PKIB: variants seen among roughly 807,000 people sequenced by gnomAD.
PKIB encodes PKI-beta.
In PKIB, 2 loss-of-function variants were observed where a neutral mutation model predicts 4.5. The observed-to-expected ratio is 0.44, with a 90% CI of 0.18 to 1.39. The LOEUF (loss-of-function observed/expected upper bound fraction) is 1.39, where lower values mean the gene tolerates loss of function less well. PKIB is among the 40% of genes most tolerant of loss of function. PKIB has a pLI of 0.27. For missense variants in PKIB, 94 were observed against 92.6 expected (o/e 1.02, Z -0.06); for synonymous variants, 38 against 36.0 (o/e 1.06, Z -0.20).
intron 2 of PKIB, among the ~76,000 whole-genome samples, chr6:122,560,507 GT>G (rs1772982234): frequency 6.6e-6 from 1 of 151,876 alleles, no homozygotes; most frequent in African/African-American, 2.4e-5. Flanking sequence ...TTCTTTTTTG[GT>G]TATGTCCTTT....
chr6:122,527,364 C>A (rs1425030916), intron 2 of PKIB, among the ~76,000 whole-genome samples: 1 of 152,072 alleles, frequency 6.6e-6, no homozygotes, highest in Non-Finnish European at 1.5e-5. Context: ...AGAGGACCAG[C>A]TTTTGCCCTG....
chr6:122,569,838 G>T (rs1021457148), intron 2 of PKIB, among the ~76,000 whole-genome samples: 1 of 152,196 alleles, frequency 6.6e-6, no homozygotes, highest in Admixed American at 6.5e-5. Context: ...AGCAGTTCTT[G>T]AGTCCCAGAT....
chr6:122,520,870 T>C (rs991399633), intron 2 of PKIB, among the ~76,000 whole-genome samples: 4 of 152,230 alleles, frequency 2.6e-5, no homozygotes, highest in Non-Finnish European at 5.9e-5. Flanking sequence ...TGATGAACTC[T>C]TGGAGAGCAT....
intron 2 of PKIB, among the ~76,000 whole-genome samples, chr6:122,487,511 A>G (rs1050661194): frequency 6.6e-6 from 1 of 152,132 alleles, no homozygotes; most frequent in Non-Finnish European, 1.5e-5. Flanking sequence ...AGCCTTCATG[A>G]TTGGGATTTA....
chr6:122,637,055 T>C (rs1245685020), intron 2 of PKIB, among the ~76,000 whole-genome samples: 1 of 152,210 alleles, frequency 6.6e-6, no homozygotes, highest in Non-Finnish European at 1.5e-5. Context: ...TACAAATACT[T>C]GTCAGATTGA....
At chr6:122,545,825 G>C (rs908752475) in intron 2 of PKIB, among the ~76,000 whole-genome samples, 6 of 151,004 alleles carry the variant, frequency 4.0e-5, no homozygotes, top group Non-Finnish European at 8.8e-5. Context: ...ATAAATAAAG[G>C]CTTTCCATCA....
At chr6:122,502,071 G>A (rs1435160411) in intron 2 of PKIB, among the ~76,000 whole-genome samples, 1 of 151,464 alleles carries the variant, frequency 6.6e-6, no homozygotes, top group African/African-American at 2.4e-5. Flanking sequence ...TCTTGCCTCA[G>A]CCTCCCAAGT....
intron 2 of PKIB, among the ~76,000 whole-genome samples, chr6:122,573,550 A>G (rs982336014): frequency 4.0e-5 from 6 of 151,844 alleles, no homozygotes; most frequent in Non-Finnish European, 8.8e-5. Flanking sequence ...AAAAGAAAAA[A>G]AAAAGAAGAA....
chr6:122,695,181 T>A (rs1209971652), intron 3 of PKIB, among the ~76,000 whole-genome samples: 1 of 152,234 alleles, frequency 6.6e-6, no homozygotes, highest in Non-Finnish European at 1.5e-5. Flanking sequence ...ATATTTTTAA[T>A]GAATTCTGCC....
chr6:122,666,571 C>T (rs1450532162), intron 2 of PKIB, among the ~76,000 whole-genome samples: 2 of 152,178 alleles, frequency 1.3e-5, no homozygotes, highest in Non-Finnish European at 2.9e-5. Context: ...TCTTAGTAGT[C>T]TTGAGCTGCC....
intron 3 of PKIB, among the ~76,000 whole-genome samples, chr6:122,707,073 T>A (rs146782956): frequency 1.3e-5 from 2 of 152,262 alleles, no homozygotes; most frequent in Admixed American, 1.3e-4. Flanking sequence ...AAGTTAAATG[T>A]ATCAATTTAA....
intron 3 of PKIB, among the ~76,000 whole-genome samples, chr6:122,687,127 T>G: frequency 6.6e-6 from 1 of 152,322 alleles, no homozygotes; most frequent in East Asian, 1.9e-4. Context: ...TTAATTCATT[T>G]TGGTTTGATT....
intron 2 of PKIB, among the ~76,000 whole-genome samples, chr6:122,570,727 A>G (rs994206466): frequency 1.3e-5 from 2 of 152,216 alleles, no homozygotes; most frequent in African/African-American, 4.8e-5. Flanking sequence ...TAAGAGGGAA[A>G]AAAAGAAATT....
chr6:122,477,270 C>T (rs774215164), intron 1 of PKIB, among the ~76,000 whole-genome samples: 4 of 152,084 alleles, frequency 2.6e-5, no homozygotes, highest in African/African-American at 9.7e-5. Flanking sequence ...AGGAGAAAGT[C>T]GAGGCAATTA....
intron 2 of PKIB, among the ~76,000 whole-genome samples, chr6:122,535,110 A>C (rs552742424): frequency 6.6e-6 from 1 of 152,160 alleles, no homozygotes; most frequent in South Asian, 2.1e-4. Flanking sequence ...TCTCTTCTTT[A>C]CATCTAACTG....
chr6:122,721,344 A>G (rs917088794), intron 4 of PKIB, among the ~76,000 whole-genome samples: 3 of 152,210 alleles, frequency 2.0e-5, no homozygotes, highest in Non-Finnish European at 4.4e-5. Context: ...TCACCCAGAA[A>G]AAAAGGGTGC....
At chr6:122,522,472 A>C (rs537524470) in intron 2 of PKIB, among the ~76,000 whole-genome samples, 4 of 152,160 alleles carry the variant, frequency 2.6e-5, no homozygotes, top group Non-Finnish European at 5.9e-5. Context: ...ACAACAAAAA[A>C]ACTCCTGCAG....
In PKIB at chr6:122,702,138, C is replaced by T. The variant is rs866926323; in HGVS notation, c.-8-15649C>T. 8.6e-5 allele frequency among the ~76,000 whole-genome samples: 13 copies of T among 152,020 alleles called. No homozygotes were observed. In the Middle Eastern group the frequency reaches 0.01, roughly 119 times the overall value. ...AAAGACTCTCTTAATAACTTATGAA[C>T]GAAAATGAAACCTCACATTGAGTGT... On this transcript the variant is annotated intron_variant, in intron 3 of 4. Transcript: ENST00000368452.
In PKIB at chr6:122,618,543, A is replaced by G. The variant is rs535177421; in HGVS notation, c.-161+8008A>G. Among the ~76,000 whole-genome samples the G allele has an allele frequency of 2.6e-5, 4 of 152,220 alleles. No individual in the cohort carries two copies. The East Asian group carries it at 7.7e-4, about 29-fold the overall frequency. ...GTTTTAAGAAAAAAAAGGTCTATTT[A>G]TATTTGATTTGTCCACTAACTAGAA... On this transcript the variant is annotated intron_variant, in intron 1 of 4. Transcript: ENST00000368452.
Sources: allele counts gnomAD v4.1 joint callset (sites outside exome capture counted in the v4.1 genomes callset), GRCh38; gene constraint gnomAD v4.1.1; transcripts MANE v1.5; gene names NCBI Gene and HGNC (gene_info 2026-07-23, HGNC 2026-07-21).